Variants in MGMT observed in about 807,000 individuals in gnomAD.
MGMT encodes O-6-methylguanine-DNA methyltransferase, also known as methylated-DNA--protein-cysteine methyltransferase.
MGMT carries 14 observed loss-of-function variants against 15.9 expected under a neutral mutation model. That is an observed-to-expected ratio of 0.88 (90% CI 0.58 to 1.37). MGMT has a LOEUF of 1.37. MGMT is among the 40% of genes most tolerant of loss of function. MGMT has a pLI of 0.00. For synonymous variants in MGMT, 130 were observed against 118.2 expected (o/e 1.10, Z -0.65); for missense variants, 282 against 268.1 (o/e 1.05, Z -0.36).
intron 1 of MGMT, among the ~76,000 whole-genome samples, chr10:129,506,586 A>T (rs1452358242): frequency 6.6e-6 from 1 of 151,994 alleles, no homozygotes; most frequent in African/African-American, 2.4e-5. Context: ...GGCTGCCTCG[A>T]TGCTATTGTA....
At chr10:129,540,135 A>G (rs1210744359) in intron 2 of MGMT, among the ~76,000 whole-genome samples, 1 of 152,178 alleles carries the variant, frequency 6.6e-6, no homozygotes, top group African/African-American at 2.4e-5. Context: ...CCATTTCTAA[A>G]TACTTTGTTC....
At chr10:129,628,522 G>A (rs778688946) in intron 2 of MGMT, among the ~76,000 whole-genome samples, 20 of 152,170 alleles carry the variant, frequency 1.3e-4, no homozygotes, top group Non-Finnish European at 2.4e-4. Context: ...ACCCCGTGGT[G>A]CTTTCTGTGC....
chr10:129,478,111 CTG>C, intron 1 of MGMT, among the ~76,000 whole-genome samples: 1 of 152,278 alleles, frequency 6.6e-6, no homozygotes, highest in East Asian at 1.9e-4. Context: ...TGGGCTTGCT[CTG>C]GTAAGCGGTA....
chr10:129,703,219 C>T (rs1394035071), intron 2 of MGMT, among the ~76,000 whole-genome samples: 1 of 152,144 alleles, frequency 6.6e-6, no homozygotes, highest in Non-Finnish European at 1.5e-5. Context: ...ATCTTCAGCA[C>T]AAGCATAAAA....
Position 129,639,136 on chromosome 10 carries a change from T to A in MGMT, c.126-68759T>A, listed in dbSNP as rs137870796. Among the ~76,000 whole-genome samples, 497 of 152,128 alleles carry A rather than the reference T, an allele frequency of 3.3e-3. 2 individuals are homozygous for A. The highest frequency in any genetic ancestry group is 5.8e-3 in the Admixed American group (88 of 15,288). ...TTTAAAAAGCAGAAGAAAAGATCATTGGAAATTAGTGGAAAAAATACAAAG... is the reference window on the plus strand; with the variant it reads ...TTTAAAAAGCAGAAGAAAAGATCATAGGAAATTAGTGGAAAAAATACAAAG... On this transcript the variant is annotated intron_variant, in intron 2 of 4. Coordinates refer to ENST00000651593, the MANE Select transcript of MGMT (RefSeq NM_002412.5).
At chr10:129,581,290 C>T (rs1846552870) in intron 2 of MGMT, among the ~76,000 whole-genome samples, 1 of 152,114 alleles carries the variant, frequency 6.6e-6, no homozygotes, top group South Asian at 2.1e-4. Flanking sequence ...GACTGGGCTG[C>T]TTACAGGCCC....
intron 1 of MGMT, among the ~76,000 whole-genome samples, chr10:129,503,405 G>C (rs953407435): frequency 2.6e-5 from 4 of 152,192 alleles, no homozygotes; most frequent in Non-Finnish European, 4.4e-5. Context: ...AAATGATAAA[G>C]GTAATTGCAC....
chr10:129,546,025 T>C (rs1326998323), intron 2 of MGMT, among the ~76,000 whole-genome samples: 2 of 152,250 alleles, frequency 1.3e-5, no homozygotes, highest in Non-Finnish European at 2.9e-5. Flanking sequence ...AATTTTTATT[T>C]CCAGTTGCTG....
chr10:129,719,780 G>C (rs779604541), intron 3 of MGMT, among the ~76,000 whole-genome samples: 1 of 152,168 alleles, frequency 6.6e-6, no homozygotes, highest in Non-Finnish European at 1.5e-5. Context: ...GCAGAACATA[G>C]TTTAGCCCAT....
At chr10:129,489,359 CAAAAAA>C (rs34274988) in intron 1 of MGMT, among the ~76,000 whole-genome samples, 3 of 57,362 alleles carry the variant, frequency 5.2e-5, no homozygotes, top group South Asian at 9.1e-4. Context: ...GACTCTGTCT[CAAAAAA>C]AAAAAAAAAA....
At chr10:129,535,108 C>G (rs972343927) in intron 1 of MGMT, among the ~76,000 whole-genome samples, 2 of 152,134 alleles carry the variant, frequency 1.3e-5, no homozygotes, top group Admixed American at 1.3e-4. Context: ...ATGTAGGGAG[C>G]CTTTGCTTTG....
intron 2 of MGMT, among the ~76,000 whole-genome samples, chr10:129,563,238 C>T (rs900726983): frequency 2.0e-5 from 3 of 152,078 alleles, no homozygotes; most frequent in East Asian, 3.9e-4. Flanking sequence ...GTGCCTGTTA[C>T]GTGCTGGCCA....
At chr10:129,570,488 C>T (rs1452859696) in intron 2 of MGMT, among the ~76,000 whole-genome samples, 1 of 152,236 alleles carries the variant, frequency 6.6e-6, no homozygotes, top group Admixed American at 6.5e-5. Context: ...CCTACAAAGT[C>T]TATTTTCAAA....
chr10:129,563,264 G>A (rs1004893698), intron 2 of MGMT, among the ~76,000 whole-genome samples: 20 of 152,270 alleles, frequency 1.3e-4, no homozygotes, highest in African/African-American at 3.6e-4. Flanking sequence ...CCAGGCCTGC[G>A]GGATGCAGAG....
At chr10:129,602,066 GA>G (rs1338301851) in intron 2 of MGMT, among the ~76,000 whole-genome samples, 2 of 151,938 alleles carry the variant, frequency 1.3e-5, no homozygotes, top group East Asian at 3.9e-4. Context: ...CCCCAAGAAG[GA>G]AAAAAAGTTT....
At chr10:129,681,680 G>A (rs919830378) in intron 2 of MGMT, among the ~76,000 whole-genome samples, 2 of 152,098 alleles carry the variant, frequency 1.3e-5, no homozygotes, top group Admixed American at 6.5e-5. Flanking sequence ...AGTGTTCACA[G>A]GATATGAAAA....
chr10:129,480,034 T>G (rs1845340100), intron 1 of MGMT, among the ~76,000 whole-genome samples: 1 of 152,152 alleles, frequency 6.6e-6, no homozygotes, highest in South Asian at 2.1e-4. Flanking sequence ...ACTAGCTATA[T>G]TTTCCATAAA....
At chr10:129,704,497 G>A (rs1019145351) in intron 2 of MGMT, among the ~76,000 whole-genome samples, 15 of 152,088 alleles carry the variant, frequency 9.9e-5, no homozygotes, top group African/African-American at 2.9e-4. Context: ...TGGGTAAGGC[G>A]GCAGTTTGGA....
chr10:129,584,609 A>G (rs1846597872), intron 2 of MGMT, among the ~76,000 whole-genome samples: 1 of 152,038 alleles, frequency 6.6e-6, no homozygotes, highest in East Asian at 1.9e-4. Flanking sequence ...TGCCCCTGCC[A>G]AAAAAGGGAC....
Sources: allele counts gnomAD v4.1 joint callset (sites outside exome capture counted in the v4.1 genomes callset), GRCh38; gene constraint gnomAD v4.1.1; transcripts MANE v1.5; gene names NCBI Gene and HGNC (gene_info 2026-07-23, HGNC 2026-07-21).